MTUS2: variants seen among roughly 807,000 people sequenced by gnomAD.
MTUS2 encodes the protein microtubule associated scaffold protein 2.
In MTUS2, 40 loss-of-function variants were observed where a neutral mutation model predicts 114.1. The ratio of observed to expected loss-of-function variants is 0.35; its 90% CI spans 0.27 to 0.46. The LOEUF (loss-of-function observed/expected upper bound fraction) is 0.46. Among genes scored for constraint, MTUS2 ranks in the 20% least tolerant of loss-of-function variants. The pLI, the probability that MTUS2 is intolerant of heterozygous loss-of-function variation, is 1.00. For missense variants in MTUS2, 1,679 were observed against 1,705.4 expected, an observed-to-expected ratio of 0.98 and a Z score of 0.27; for synonymous variants, 688 against 672.0, an observed-to-expected ratio of 1.02 and a Z score of -0.37.
intron 9 of MTUS2, among the ~76,000 whole-genome samples, chr13:29,461,618 C>T (rs916046962): frequency 3.9e-5 from 6 of 152,192 alleles, no homozygotes; most frequent in African/African-American, 1.4e-4. Context: ...CTTGTGGCCA[C>T]ATTTGCATGG....
intron 6 of MTUS2, among the ~76,000 whole-genome samples, chr13:29,297,324 G>C (rs567681452): frequency 6.6e-6 from 1 of 152,080 alleles, no homozygotes; most frequent in Non-Finnish European, 1.5e-5. Context: ...TATGAAAGTC[G>C]TTTCTTATTT....
At chr13:29,191,591 G>A (rs1894452029) in intron 5 of MTUS2, among the ~76,000 whole-genome samples, 1 of 152,092 alleles carries the variant, frequency 6.6e-6, no homozygotes. Context: ...CTGGGCTTCT[G>A]TGTCCAAGAG....
At chr13:29,070,612 A>G (rs1393994355) in intron 4 of MTUS2, among the ~76,000 whole-genome samples, 1 of 151,790 alleles carries the variant, frequency 6.6e-6, no homozygotes, top group Non-Finnish European at 1.5e-5. Context: ...GGATGTGTGT[A>G]TATGCTCGTG....
At chr13:29,174,974 C>G (rs1171352864) in intron 5 of MTUS2, among the ~76,000 whole-genome samples, 1 of 152,136 alleles carries the variant, frequency 6.6e-6, no homozygotes, top group Admixed American at 6.5e-5. Flanking sequence ...CTCTTCATGC[C>G]TCAATTATAT....
chr13:29,208,608 G>A (rs539251439), intron 5 of MTUS2, among the ~76,000 whole-genome samples: 5 of 151,838 alleles, frequency 3.3e-5, no homozygotes, highest in South Asian at 2.1e-4. Context: ...TGTTGTATCC[G>A]AAAGGTTTTA....
chr13:29,239,618 T>G (rs905850480), intron 5 of MTUS2: 21 of 152,344 alleles, frequency 1.4e-4, no homozygotes, highest in African/African-American at 4.6e-4. Context: ...CATGGTCTAG[T>G]GGGACGGGCA....
chr13:29,240,394 C>A (rs1453790006), intron 5 of MTUS2, among the ~76,000 whole-genome samples: 1 of 152,176 alleles, frequency 6.6e-6, no homozygotes, highest in Non-Finnish European at 1.5e-5. Flanking sequence ...ACCCCAGCTA[C>A]CAGATGTGAT....
intron 11 of MTUS2, 83 bp downstream of exon 11, chr13:29,488,088 T>A (rs1881765964): frequency 9.5e-7 from 1 of 1,052,522 alleles, no homozygotes; most frequent in Admixed American, 1.8e-5. Flanking sequence ...GGAGCCCCCC[T>A]TCCTCTCTTG....
chr13:29,497,817 A>C, intron 13 of MTUS2: 1 of 174,270 alleles, frequency 5.7e-6, no homozygotes, highest in Non-Finnish European at 1.2e-5. Flanking sequence ...ATTACAGATA[A>C]ATAAATTTTT....
intron 5 of MTUS2, among the ~76,000 whole-genome samples, chr13:29,142,190 CTT>C (rs1445296479): frequency 3.3e-5 from 5 of 152,000 alleles, no homozygotes; most frequent in East Asian, 3.9e-4. Flanking sequence ...TATATTTTAA[CTT>C]ATATATTTAC....
intron 2 of MTUS2, among the ~76,000 whole-genome samples, chr13:29,002,816 A>G (rs1015868449): frequency 4.6e-5 from 7 of 152,216 alleles, no homozygotes; most frequent in Admixed American, 4.6e-4. Flanking sequence ...TCTTGACATA[A>G]TTCAAACTTT....
At chr13:29,203,625 G>A (rs908618780) in intron 5 of MTUS2, among the ~76,000 whole-genome samples, 1 of 149,916 alleles carries the variant, frequency 6.7e-6, no homozygotes, top group African/African-American at 2.5e-5. Flanking sequence ...GCACAATTTT[G>A]TGCTTCAAAT....
chr13:29,067,744 G>C (rs1888727014), intron 4 of MTUS2, among the ~76,000 whole-genome samples: 2 of 152,160 alleles, frequency 1.3e-5, no homozygotes, highest in Non-Finnish European at 2.9e-5. Flanking sequence ...TGCTACAGTG[G>C]CCTGTGGAGA....
intron 5 of MTUS2, among the ~76,000 whole-genome samples, chr13:29,160,822 T>A (rs1893064472): frequency 6.6e-6 from 1 of 151,318 alleles, no homozygotes; most frequent in Non-Finnish European, 1.5e-5. Context: ...GGGGTTGGCA[T>A]CCCCCGCCCC....
At chr13:29,254,790 C>T (rs1361016417) in intron 5 of MTUS2, among the ~76,000 whole-genome samples, 1 of 152,216 alleles carries the variant, frequency 6.6e-6, no homozygotes, top group Non-Finnish European at 1.5e-5. Context: ...GCTCTGATTA[C>T]ATCCACCTCA....
intron 2 of MTUS2, among the ~76,000 whole-genome samples, chr13:28,919,037 A>T (rs1249304319): frequency 1.3e-5 from 2 of 151,948 alleles, no homozygotes; most frequent in East Asian, 3.9e-4. Flanking sequence ...TGTGTTGTAA[A>T]GTTTTTGTAG....
At chr13:29,096,612 C>T (rs529477646) in intron 4 of MTUS2, among the ~76,000 whole-genome samples, 5 of 152,286 alleles carry the variant, frequency 3.3e-5, no homozygotes, top group South Asian at 2.1e-4. Context: ...TTGAGATTGC[C>T]GTTAGGCCCA....
intron 9 of MTUS2, among the ~76,000 whole-genome samples, chr13:29,458,910 G>A (rs535128529): frequency 4.6e-5 from 7 of 152,344 alleles, no homozygotes; most frequent in Admixed American, 2.6e-4. Flanking sequence ...ATGGGTGGCC[G>A]TGCTTCTCTG....
intron 2 of MTUS2, among the ~76,000 whole-genome samples, chr13:28,976,300 A>G (rs1048253887): frequency 6.6e-6 from 1 of 152,112 alleles, no homozygotes; most frequent in East Asian, 1.9e-4. Flanking sequence ...GAGTTGAGGC[A>G]GAGAGGTATG....
Sources: allele counts gnomAD v4.1 joint callset (sites outside exome capture counted in the v4.1 genomes callset), GRCh38; gene constraint gnomAD v4.1.1; transcripts MANE v1.5; gene names NCBI Gene and HGNC (gene_info 2026-07-23, HGNC 2026-07-21).